KCNN2: variants seen among roughly 807,000 people sequenced by gnomAD.
The protein encoded by KCNN2 is small conductance calcium-activated potassium channel protein 2.
KCNN2 carries 24 observed loss-of-function variants against 55.5 expected under a neutral mutation model. That is an observed-to-expected ratio of 0.43 (90% CI 0.31 to 0.61). The LOEUF is 0.61. KCNN2 is among the 20% of genes least tolerant of loss of function. The pLI is 0.08. For missense variants in KCNN2, 754 were observed against 853.6 expected, an observed-to-expected ratio of 0.88 and a Z score of 1.45; for synonymous variants, 431 against 336.1, an observed-to-expected ratio of 1.28 and a Z score of -3.09.
chr5:114,070,243 C>T (rs992981434), intron 1 of KCNN2, among the ~76,000 whole-genome samples: 9 of 152,186 alleles, frequency 5.9e-5, no homozygotes, highest in African/African-American at 9.7e-5. Flanking sequence ...GCCAGTTCCT[C>T]CTCTCTGAGG....
intron 2 of KCNN2, among the ~76,000 whole-genome samples, chr5:114,332,114 A>G (rs185828009): frequency 6.6e-6 from 1 of 152,360 alleles, no homozygotes; most frequent in Non-Finnish European, 1.5e-5. Context: ...TATTCTTTTA[A>G]GTCTAGAATT....
At chr5:114,071,619 A>G (rs995175732) in intron 1 of KCNN2, among the ~76,000 whole-genome samples, 2 of 152,240 alleles carry the variant, frequency 1.3e-5, no homozygotes, top group Non-Finnish European at 2.9e-5. Flanking sequence ...TAAAATCTTC[A>G]TATGTACAGA....
chr5:114,482,250 T>C (rs1044299669), intron 5 of KCNN2, among the ~76,000 whole-genome samples: 7 of 152,118 alleles, frequency 4.6e-5, no homozygotes, highest in African/African-American at 1.4e-4. Flanking sequence ...AAAACATCCA[T>C]GCAGCCAACA....
At chr5:114,423,041 A>G (rs1261755574) in intron 3 of KCNN2, among the ~76,000 whole-genome samples, 4 of 152,336 alleles carry the variant, frequency 2.6e-5, no homozygotes, top group African/African-American at 7.2e-5. Flanking sequence ...CTGGTGTTCA[A>G]TTAATGCATT....
chr5:114,427,072 C>A (rs1038831219), intron 3 of KCNN2, among the ~76,000 whole-genome samples: 1 of 152,136 alleles, frequency 6.6e-6, no homozygotes, highest in South Asian at 2.1e-4. Context: ...CAGCCACCCA[C>A]CTGCACCTGG....
rs1326760910 is a variant in KCNN2 at position 114,130,625 on chromosome 5, T to C, written c.-271+74125T>C. On this transcript the variant is annotated intron_variant, in intron 1 of 10. Transcript: ENST00000512097. ...TGCAGAGTTAGATGTAGAGTTAGTC[T>C]GTTTTTGTGCCTATAGTCCATCTGG... Among the ~76,000 whole-genome samples, 3 of 152,212 alleles carry C rather than the reference T, an allele frequency of 2.0e-5. No individual in the cohort carries two copies. The East Asian group carries it at 5.8e-4, about 29-fold the overall frequency.
At chr5:114,284,256 T>A (rs1255601548) in intron 2 of KCNN2, among the ~76,000 whole-genome samples, 1 of 152,218 alleles carries the variant, frequency 6.6e-6, no homozygotes, top group Non-Finnish European at 1.5e-5. Flanking sequence ...TTTTTAGTCA[T>A]CTTCAGCAAA....
rs564503482 is a variant in KCNN2 at position 114,228,188 on chromosome 5, T to C, written c.-185+6623T>C. ...CAGTCTTGAGATGTCATTTCAATTATTAGAATCAAATTCTCTTTCAACTGA... is the reference window on the plus strand; with the variant it reads ...CAGTCTTGAGATGTCATTTCAATTACTAGAATCAAATTCTCTTTCAACTGA... On this transcript the variant is annotated intron_variant, in intron 2 of 10. Coordinates refer to the KCNN2 transcript ENST00000512097. 2.0e-4 allele frequency among the ~76,000 whole-genome samples: 31 copies of C among 152,274 alleles called. No homozygotes were observed. In the South Asian group the frequency reaches 5.2e-3, roughly 25 times the overall value.
chr5:114,273,756 T>C (rs949778527), intron 2 of KCNN2, among the ~76,000 whole-genome samples: 1 of 152,238 alleles, frequency 6.6e-6, no homozygotes, highest in African/African-American at 2.4e-5. Flanking sequence ...TAGTCCTTTG[T>C]CAGATGGATA....
intron 2 of KCNN2, among the ~76,000 whole-genome samples, chr5:114,383,246 C>T (rs1303681690): frequency 1.3e-5 from 2 of 151,954 alleles, no homozygotes; most frequent in East Asian, 3.9e-4. Flanking sequence ...ACAGTGTAGT[C>T]TGTGTGTGTA....
intron 2 of KCNN2, among the ~76,000 whole-genome samples, chr5:114,322,904 C>A (rs1182546774): frequency 6.6e-6 from 1 of 152,134 alleles, no homozygotes; most frequent in East Asian, 1.9e-4. Context: ...TATTTCATCA[C>A]CCAGGTATTA....
Position 114,098,713 on chromosome 5 carries a change from G to A in KCNN2, c.-271+42213G>A, listed in dbSNP as rs76550436. On this transcript the variant is annotated intron_variant, in intron 1 of 10. Transcript: ENST00000512097. ...CCACACTTCTCTTTTATGGAGGATT[G>A]CCCAAAGAAAAAGAAAGGTTCTGTG... is the stretch of plus-strand genomic sequence containing the variant. Among the ~76,000 whole-genome samples, 393 of 152,176 alleles carry A rather than the reference G, an allele frequency of 2.6e-3. 1 individual carries two copies. Among genetic ancestry groups the A allele is most frequent in the African/African-American group, 8.7e-3 (360 of 41,522 alleles).
chr5:114,143,040 C>T (rs546008518), intron 1 of KCNN2, among the ~76,000 whole-genome samples: 80 of 152,132 alleles, frequency 5.3e-4, no homozygotes, highest in Middle Eastern at 3.4e-3. Context: ...AAATAATAAA[C>T]GCACACAAGA....
At chr5:114,426,933 A>G (rs1295253813) in intron 3 of KCNN2, among the ~76,000 whole-genome samples, 2 of 152,174 alleles carry the variant, frequency 1.3e-5, no homozygotes, top group African/African-American at 2.4e-5. Context: ...CCATGGGATG[A>G]AGCATTACAC....
intron 2 of KCNN2, among the ~76,000 whole-genome samples, chr5:114,336,125 G>A (rs1430660490): frequency 1.3e-5 from 2 of 152,146 alleles, no homozygotes; most frequent in Non-Finnish European, 2.9e-5. Flanking sequence ...CGAATAAGGA[G>A]GATTAGTTGT....
At chr5:114,333,518 A>C (rs1351026900) in intron 2 of KCNN2, among the ~76,000 whole-genome samples, 1 of 152,170 alleles carries the variant, frequency 6.6e-6, no homozygotes, top group East Asian at 1.9e-4. Flanking sequence ...ACTGGCTTCC[A>C]ATATTTTCTA....
chr5:114,391,071 A>C (rs1758438808), intron 2 of KCNN2, among the ~76,000 whole-genome samples: 1 of 152,174 alleles, frequency 6.6e-6, no homozygotes, highest in Non-Finnish European at 1.5e-5. Flanking sequence ...AGTCAGGAGA[A>C]GACAATTTCA....
chr5:114,119,983 A>G (rs1751793402), intron 1 of KCNN2, among the ~76,000 whole-genome samples: 1 of 152,120 alleles, frequency 6.6e-6, no homozygotes, highest in South Asian at 2.1e-4. Flanking sequence ...AAAACACAGC[A>G]TGTGCGCATG....
intron 1 of KCNN2, among the ~76,000 whole-genome samples, chr5:114,202,968 T>C (rs1753704745): frequency 6.6e-6 from 1 of 152,168 alleles, no homozygotes; most frequent in African/African-American, 2.4e-5. Flanking sequence ...TCTTATTTAT[T>C]TTCAGAGAGC....
Sources: gnomAD v4.1 joint callset for allele counts (sites outside exome capture counted in the v4.1 genomes callset) on GRCh38, gnomAD v4.1.1 for gene constraint, MANE v1.5 for transcripts, NCBI Gene and HGNC (gene_info 2026-07-23, HGNC 2026-07-21) for gene names.